Variants in SUSD4 observed in about 807,000 individuals in gnomAD.
The protein encoded by SUSD4 is sushi domain-containing protein 4.
In SUSD4, 41 loss-of-function variants were observed where a neutral mutation model predicts 50.5. The ratio of observed to expected loss-of-function variants is 0.81; its 90% CI spans 0.63 to 1.05. The LOEUF (loss-of-function observed/expected upper bound fraction) is 1.05, where lower values mean the gene tolerates loss of function less well. Among genes scored for constraint, SUSD4 ranks in the 50% least tolerant of loss-of-function variants. The pLI is 0.00. For missense variants in SUSD4, 580 were observed against 634.7 expected, an observed-to-expected ratio of 0.91 and a Z score of 0.93; for synonymous variants, 257 against 257.3, an observed-to-expected ratio of 1.00 and a Z score of 0.01.
intron 5 of SUSD4, among the ~76,000 whole-genome samples, chr1:223,244,570 G>A (rs1660793305): frequency 6.6e-6 from 1 of 152,178 alleles, no homozygotes; most frequent in Admixed American, 6.5e-5. Flanking sequence ...GTCCCTCAGT[G>A]TAGATAATGC....
intron 1 of SUSD4, chr1:223,363,731 C>T: frequency 3.3e-6 from 1 of 300,822 alleles, no homozygotes. Context: ...GGCTCCGCGC[C>T]GGTCCCCGGG....
At chr1:223,355,970 G>A (rs1051384259) in intron 2 of SUSD4, among the ~76,000 whole-genome samples, 2 of 152,122 alleles carry the variant, frequency 1.3e-5, no homozygotes, top group African/African-American at 4.8e-5. Flanking sequence ...TGACCTGCTG[G>A]GGCCTGCACA....
intron 2 of SUSD4, among the ~76,000 whole-genome samples, chr1:223,301,294 A>G (rs1416611660): frequency 6.6e-6 from 1 of 152,228 alleles, no homozygotes; most frequent in Non-Finnish European, 1.5e-5. Context: ...TCTCAGTGTG[A>G]TGGGGCCAGG....
chr1:223,245,922 T>C (rs977662787), intron 5 of SUSD4, among the ~76,000 whole-genome samples: 11 of 152,206 alleles, frequency 7.2e-5, no homozygotes, highest in African/African-American at 2.7e-4. Context: ...TTGGGTTTAT[T>C]TGTTTCATGG....
chr1:223,255,145 C>T lies in SUSD4; in HGVS notation c.724+9485G>A, dbSNP rs148623976. On this transcript the variant is annotated intron_variant, in intron 5 of 8. Transcript: ENST00000366878. ...ATTCATTTTCAGTTCACAAAGGGAC[C>T]TCTGTTTGTTTCAGACAGGGAGAAA... is the stretch of plus-strand genomic sequence containing the variant. Among the ~76,000 whole-genome samples, 6 of 152,286 alleles carry T rather than the reference C, an allele frequency of 3.9e-5. No individual in the cohort carries two copies. In the East Asian group the frequency reaches 1.2e-3, roughly 29 times the overall value.
rs1353153384 is a variant in SUSD4 at position 223,292,478 on chromosome 1, C to T, written c.322G>A (p.Gly108Ser). 1.9e-6 allele frequency: 3 copies of T among 1,614,188 alleles called. No individual in the cohort carries two copies. The Admixed American group carries it at 5.0e-5, about 27-fold the overall frequency. The change falls in exon 3 of 9, where the codon GGC (glycine) becomes AGC (serine). Residue 108 changes from glycine to serine, a missense_variant. Transcript: ENST00000366878. ...ATGGAATTATCACTTGGGATCCAGCCTAGGGTTCCATTAAAATGCTTCAAA... is the reference window on the plus strand; with the variant it reads ...ATGGAATTATCACTTGGGATCCAGCTTAGGGTTCCATTAAAATGCTTCAAA... Reference protein sequence around the residue: ...LCLKHFNGTLGWIPSDNSICV... With the variant: ...LCLKHFNGTLSWIPSDNSICV...
chr1:223,331,797 G>A (rs1289157670), intron 2 of SUSD4, among the ~76,000 whole-genome samples: 2 of 152,204 alleles, frequency 1.3e-5, no homozygotes, highest in African/African-American at 2.4e-5. Flanking sequence ...CAGCCTGGTG[G>A]TGTCAACTCA....
chr1:223,363,160 G>A, intron 2 of SUSD4, 118 bp downstream of exon 2: 2 of 1,230,638 alleles, frequency 1.6e-6, no homozygotes, highest in Non-Finnish European at 2.1e-6. Context: ...CCCTCGCGTT[G>A]TCAGATCCTC....
intron 2 of SUSD4, among the ~76,000 whole-genome samples, chr1:223,313,024 G>A (rs768924221): frequency 1.5e-4 from 23 of 152,204 alleles, no homozygotes; most frequent in Admixed American, 9.8e-4. Flanking sequence ...CCCTGCTTCC[G>A]GAGTTTTGTC....
At chr1:223,312,605 C>A (rs1310536899) in intron 2 of SUSD4, among the ~76,000 whole-genome samples, 1 of 152,140 alleles carries the variant, frequency 6.6e-6, no homozygotes, top group African/African-American at 2.4e-5. Context: ...GGCAAGAATC[C>A]CTGGTGCTTT....
chr1:223,353,520 G>T lies in SUSD4; in HGVS notation c.148+9758C>A, dbSNP rs112020523. On this transcript the variant is annotated intron_variant, in intron 2 of 8. Transcript: ENST00000366878. Reference sequence around the variant, plus strand: ...GATGAAGAAACCAATGAATGGCAAGGTTAAGGGACCTGCTTCAGAGGTGAC... The same window carrying T: ...GATGAAGAAACCAATGAATGGCAAGTTTAAGGGACCTGCTTCAGAGGTGAC... 6.1e-3 allele frequency among the ~76,000 whole-genome samples: 927 copies of T among 152,284 alleles called. 6 individuals are homozygous for T. The highest frequency in any genetic ancestry group is 0.021 in the African/African-American group (857 of 41,552).
At chr1:223,235,353 T>G (rs1660148997) in intron 5 of SUSD4, among the ~76,000 whole-genome samples, 1 of 152,152 alleles carries the variant, frequency 6.6e-6, no homozygotes, top group African/African-American at 2.4e-5. Flanking sequence ...GAACCTACAT[T>G]GATACATCAT....
In SUSD4 at chr1:223,363,454, C is replaced by T; in HGVS notation, c.-29G>A. ...TCATCCACAGAGGGCATCCAGCTTG[C>T]AAGAGTCTGCAACCAGAAGCGGAAC... On this transcript the variant is annotated 5_prime_UTR_variant, in exon 2 of 9. Coordinates refer to ENST00000366878, the MANE Select transcript of SUSD4 (RefSeq NM_017982.4). 1 of 1,506,410 alleles carries T rather than the reference C, an allele frequency of 6.6e-7. No individual in the cohort carries two copies. Among genetic ancestry groups the T allele is most frequent in the Non-Finnish European group, 8.9e-7 (1 of 1,119,164 alleles). 93.3% of individuals were successfully genotyped at this position (1,506,410 alleles called of 1,614,324 possible).
Position 223,268,486 on chromosome 1 carries a change from A to G in SUSD4, c.535+16T>C, listed in dbSNP as rs753638372. The G allele has an allele frequency of 6.2e-7, 1 of 1,604,248 alleles. No homozygotes were observed. The highest frequency in any genetic ancestry group is 1.1e-5 in the South Asian group (1 of 89,054). On this transcript the variant is annotated intron_variant, in intron 4 of 8. Transcript: ENST00000366878. ...GAATAATAGCCCAGCTGAGAACTGA[A>G]GCATCAGTCCCGTACCTTGACAGAT...
intron 2 of SUSD4, among the ~76,000 whole-genome samples, chr1:223,326,499 A>C (rs1666884616): frequency 6.6e-6 from 1 of 152,204 alleles, no homozygotes; most frequent in African/African-American, 2.4e-5. Context: ...AATAAATGGG[A>C]CTTAATTAAA....
chr1:223,354,487 G>A (rs908685369), intron 2 of SUSD4, among the ~76,000 whole-genome samples: 8 of 152,146 alleles, frequency 5.3e-5, no homozygotes, highest in Non-Finnish European at 1.2e-4. Context: ...AGACCATATC[G>A]TTCTAAATCA....
chr1:223,306,064 T>G (rs1665517357), intron 2 of SUSD4, among the ~76,000 whole-genome samples: 1 of 152,224 alleles, frequency 6.6e-6, no homozygotes, highest in African/African-American at 2.4e-5. Context: ...TAATTTAGAC[T>G]TGATTAAAAT....
At chr1:223,222,529 A>C (rs1659197120) in intron 8 of SUSD4, among the ~76,000 whole-genome samples, 1 of 152,224 alleles carries the variant, frequency 6.6e-6, no homozygotes. Context: ...ACAGAAAGGC[A>C]GCGTGGTTTG....
chr1:223,285,432 C>T (rs1476478351), intron 3 of SUSD4, among the ~76,000 whole-genome samples: 1 of 152,140 alleles, frequency 6.6e-6, no homozygotes, highest in African/African-American at 2.4e-5. Context: ...GGACAGGCAA[C>T]TCAATTCACA....
Sources: allele counts gnomAD v4.1 joint callset (sites outside exome capture counted in the v4.1 genomes callset), GRCh38; gene constraint gnomAD v4.1.1; transcripts MANE v1.5; gene names NCBI Gene and HGNC (gene_info 2026-07-23, HGNC 2026-07-21).